Variants in NAA11 observed in about 807,000 individuals in gnomAD.
NAA11 encodes the protein N-alpha-acetyltransferase 11, NatA catalytic subunit.
In NAA11, 15 loss-of-function variants were observed where a neutral mutation model predicts 16.1. The ratio of observed to expected loss-of-function variants is 0.93; its 90% confidence interval spans 0.62 to 1.44. The LOEUF is 1.44. NAA11 is among the 40% of genes most tolerant of loss of function. The probability of loss-of-function intolerance (pLI) is 0.00; values close to 1 mark genes in which losing one functional copy is unlikely to be tolerated. For synonymous variants in NAA11, 122 were observed against 112.4 expected, an observed-to-expected ratio of 1.09 and a Z score of -0.54; for missense variants, 298 against 291.3, an observed-to-expected ratio of 1.02 and a Z score of -0.17.
chr4:79,311,574 T>C (rs1024853435), intron 1 of NAA11, among the ~76,000 whole-genome samples: 1 of 152,190 alleles, frequency 6.6e-6, no homozygotes, highest in African/African-American at 2.4e-5. Context: ...TTTGATAGGG[T>C]TGCTATCTTT....
the NAA11 span, among the ~76,000 whole-genome samples, chr4:79,214,802 A>C: frequency 2.0e-5 from 3 of 152,068 alleles, no homozygotes; most frequent in East Asian, 1.9e-4. Flanking sequence ...CATCTAAAAA[A>C]AAATAAAAAT....
At chr4:79,303,792 C>T (rs1409496573) in intron 1 of NAA11, among the ~76,000 whole-genome samples, 2 of 152,054 alleles carry the variant, frequency 1.3e-5, no homozygotes, top group African/African-American at 2.4e-5. Flanking sequence ...GCGTCGGAAC[C>T]AAAAGAAGTA....
At position 79,325,579 on chromosome 4, in the gene NAA11, T is replaced by C; in HGVS notation, c.299A>G (p.Glu100Gly). 1 of 1,614,134 alleles carries C rather than the reference T, an allele frequency of 6.2e-7. No homozygotes were observed. The highest frequency in any genetic ancestry group is 1.1e-5 in the South Asian group (1 of 91,090). The change falls in exon 1 of 2, where the codon GAG (glutamate) becomes GGG (glycine). Residue 100 changes from glutamate (E) to glycine (G), a missense_variant. Physicochemically the swap from Glu to Gly is moderately conservative, Grantham distance 98. Transcript: ENST00000286794. ...AGACACGTATTTGGCGTTAAAGTTC[T>C]CTATCATGGCCCTGGAGGCCTGGTC... ...LMDQASRAMI[E>G]NFNAKYVSLH...
At chr4:79,202,493 T>G in the NAA11 span, among the ~76,000 whole-genome samples, 1 of 145,556 alleles carries the variant, frequency 6.9e-6, no homozygotes, top group Non-Finnish European at 1.5e-5. Context: ...TCTGAAAGTC[T>G]TTTCATTGGC....
chr4:79,160,923 T>A, the NAA11 span, among the ~76,000 whole-genome samples: 410 of 152,226 alleles, frequency 2.7e-3, 1 homozygote, highest in African/African-American at 9.7e-3. Flanking sequence ...TAAATGTGGG[T>A]GTTTAAGTAA....
intron 1 of NAA11, among the ~76,000 whole-genome samples, chr4:79,320,282 C>CA: frequency 6.6e-6 from 1 of 152,188 alleles, no homozygotes; most frequent in Non-Finnish European, 1.5e-5. Context: ...TCCAAGATTG[C>CA]AAACTGTTGC....
chr4:79,307,979 A>G (rs1723638680), intron 1 of NAA11, among the ~76,000 whole-genome samples: 1 of 152,316 alleles, frequency 6.6e-6, no homozygotes, highest in Non-Finnish European at 1.5e-5. Flanking sequence ...CTTTGCCCCT[A>G]TGTAATTCCA....
chr4:79,202,806 T>A, the NAA11 span, among the ~76,000 whole-genome samples: 1 of 150,494 alleles, frequency 6.6e-6, no homozygotes, highest in African/African-American at 2.4e-5. Context: ...TTTCTATGGC[T>A]ATTTAGATTT....
intron 1 of NAA11, among the ~76,000 whole-genome samples, chr4:79,297,315 T>A (rs1352638925): frequency 2.6e-5 from 4 of 152,074 alleles, no homozygotes; most frequent in Non-Finnish European, 4.4e-5. Flanking sequence ...TGGGGAGCAG[T>A]GTGGTCAGGC....
the NAA11 span, among the ~76,000 whole-genome samples, chr4:79,215,995 A>C: frequency 6.6e-6 from 1 of 152,220 alleles, no homozygotes. Context: ...AATCATCAAA[A>C]GAAAATAAAT....
At chr4:79,224,859 C>G (rs1198367038), downstream of NAA11, among the ~76,000 whole-genome samples, 1 of 152,018 alleles carries the variant, frequency 6.6e-6, no homozygotes, top group Non-Finnish European at 1.5e-5. Flanking sequence ...ATTCACAGCC[C>G]TGGACTAATC....
chr4:79,297,749 C>G (rs1296555213), intron 1 of NAA11, among the ~76,000 whole-genome samples: 1 of 152,192 alleles, frequency 6.6e-6, no homozygotes, highest in Non-Finnish European at 1.5e-5. Context: ...TCGGCGCTGG[C>G]CTGCAGGTGC....
chr4:79,201,676 C>T, the NAA11 span, among the ~76,000 whole-genome samples: 1,051 of 151,666 alleles, frequency 6.9e-3, 7 homozygotes, highest in Middle Eastern at 0.037. Flanking sequence ...TGAAATCCTC[C>T]TCACTTGCCT....
At chr4:79,303,071 GCCTTTTATATATATAT>G (rs1375404223) in intron 1 of NAA11, among the ~76,000 whole-genome samples, 43 of 86,596 alleles carry the variant, frequency 5.0e-4, no homozygotes, top group African/African-American at 1.9e-3. Context: ...TTCTCTTGAG[GCCTTTTATATATATAT>G]ATATATATAT....
At chr4:79,200,530 G>C in the NAA11 span, among the ~76,000 whole-genome samples, 1 of 151,782 alleles carries the variant, frequency 6.6e-6, no homozygotes. Flanking sequence ...CTGCCTTCCT[G>C]AAAGAAGTGA....
the NAA11 span, among the ~76,000 whole-genome samples, chr4:79,196,309 G>A: frequency 6.6e-6 from 1 of 151,978 alleles, no homozygotes; most frequent in Non-Finnish European, 1.5e-5. Flanking sequence ...CACCCAGAGA[G>A]GATTAATAAT....
At chr4:79,196,510 A>G in the NAA11 span, among the ~76,000 whole-genome samples, 1 of 152,058 alleles carries the variant, frequency 6.6e-6, no homozygotes, top group African/African-American at 2.4e-5. Context: ...TTCACCAGAA[A>G]TAATTGAAAT....
At chr4:79,169,414 A>C in the NAA11 span, among the ~76,000 whole-genome samples, 10 of 152,202 alleles carry the variant, frequency 6.6e-5, no homozygotes, top group African/African-American at 2.4e-4. Flanking sequence ...AGATATATAG[A>C]TCAATGGAAC....
chr4:79,182,003 T>C, the NAA11 span, among the ~76,000 whole-genome samples: 1 of 152,202 alleles, frequency 6.6e-6, no homozygotes, highest in Non-Finnish European at 1.5e-5. Context: ...TTAAATAAAT[T>C]CTACAAGCTA....
Sources: allele counts gnomAD v4.1 joint callset (sites outside exome capture counted in the v4.1 genomes callset), GRCh38; gene constraint gnomAD v4.1.1; transcripts MANE v1.5; gene names NCBI Gene and HGNC (gene_info 2026-07-23, HGNC 2026-07-21).